The following GPC1 variants were observed in gnomAD, a reference collection of about 807,000 sequenced individuals.
The protein encoded by GPC1 is glypican 1, also known as glypican-1.
A neutral mutation model predicts 51.5 loss-of-function variants in GPC1; 26 were observed. That is an observed-to-expected ratio of 0.50 (90% CI 0.37 to 0.70). The LOEUF (loss-of-function observed/expected upper bound fraction) is 0.70, where lower values mean the gene tolerates loss of function less well. Ranked by LOEUF, GPC1 falls within the 30% of genes least tolerant of loss-of-function variation. The pLI is 0.00. For synonymous variants in GPC1, 380 were observed against 348.3 expected (o/e 1.09, Z -1.01); for missense variants, 775 against 800.5 (o/e 0.97, Z 0.38).
rs1455097853 is a variant in GPC1 at position 240,459,023 on chromosome 2, C to T, written c.167-7C>T. On this transcript the variant is annotated splice_region_variant and splice_polypyrimidine_tract_variant and intron_variant, in intron 1 of 8. Transcript: ENST00000264039. Reference sequence around the variant, plus strand: ...CCCCTCTCCCTCACACTGGCCTTTCCCCACAGGTGAGCACCTGCGGATCTG... The same window carrying T: ...CCCCTCTCCCTCACACTGGCCTTTCTCCACAGGTGAGCACCTGCGGATCTG... 7.4e-6 allele frequency: 12 copies of T among 1,611,872 alleles called. No individual in the cohort carries two copies. The highest frequency in any genetic ancestry group is 1.3e-5 in the African/African-American group (1 of 74,912).
intron 1 of GPC1, chr2:240,453,071 C>T (rs1574766094): frequency 3.1e-6 from 1 of 322,066 alleles, no homozygotes; most frequent in Non-Finnish European, 6.0e-6. Context: ...GGACCTCTCC[C>T]GCAGCGCCAC....
intron 2 of GPC1, among the ~76,000 whole-genome samples, chr2:240,460,386 G>A (rs937661009): frequency 6.6e-6 from 1 of 152,130 alleles, no homozygotes; most frequent in African/African-American, 2.4e-5. Flanking sequence ...TCTGTCCCAT[G>A]TGTAGGGACC....
rs1444423991 is a variant in GPC1 at position 240,448,632 on chromosome 2, A to C, written c.167-10398A>C. On this transcript the variant is annotated intron_variant, in intron 1 of 8. Coordinates refer to ENST00000264039, the MANE Select transcript of GPC1 (RefSeq NM_002081.3). This position sits in a 1 kb window ranked among gnomAD's most constrained non-coding sequence, Gnocchi z 4.5. The stretch of plus-strand genomic sequence containing the variant: ...CCACAGGAGGTCGAGGTCGGAGCTC[A>C]CCTTTGGGGAGGCGATCAGGCAGGC... Among the ~76,000 whole-genome samples, 1 of 151,084 alleles carries C rather than the reference A, an allele frequency of 6.6e-6. No homozygotes were observed. Among genetic ancestry groups the C allele is most frequent in the Non-Finnish European group, 1.5e-5 (1 of 67,900 alleles).
At chr2:240,436,141 C>T in intron 1 of GPC1, 57 bp downstream of exon 1, 1 of 1,137,216 alleles carries the variant, frequency 8.8e-7, no homozygotes, top group South Asian at 4.2e-5. Flanking sequence ...GGCTCCGGAC[C>T]CTGGTCTTCC....
At chr2:240,465,799 A>C (rs2074256623) in intron 8 of GPC1, 151 bp downstream of exon 8, 1 of 720,404 alleles carries the variant, frequency 1.4e-6, no homozygotes, top group African/African-American at 1.8e-5. Context: ...CCCAGGCACG[A>C]TCACCGAGCC....
At chr2:240,463,319 G>T in intron 3 of GPC1, 28 bp from the exon 4 acceptor site, 1 of 1,607,506 alleles carries the variant, frequency 6.2e-7, no homozygotes, top group Non-Finnish European at 8.5e-7. Context: ...GGGCCTCGGG[G>T]CCTGGCTTAG....
intron 3 of GPC1, 128 bp downstream of exon 3, chr2:240,462,710 C>G: frequency 1.2e-6 from 1 of 801,146 alleles, no homozygotes; most frequent in Non-Finnish European, 1.9e-6. Context: ...ACCTCAGCCC[C>G]ACAGCCTCAG....
chr2:240,453,839 G>A (rs2074130015), intron 1 of GPC1, among the ~76,000 whole-genome samples: 2 of 151,910 alleles, frequency 1.3e-5, no homozygotes, highest in Admixed American at 6.6e-5. Flanking sequence ...GCTGCCGCCG[G>A]TGCCGCCGAG....
chr2:240,458,359 G>A, intron 1 of GPC1: 1 of 265,530 alleles, frequency 3.8e-6, no homozygotes, highest in Non-Finnish European at 7.8e-6. Flanking sequence ...CTGGAGCAGA[G>A]TAGCTCATGG....
rs75314043 is a variant in GPC1 at position 240,466,227 on chromosome 2, G to A, written c.1614G>A (p.Pro538=). The change falls in exon 9 of 9, where the codon CCG becomes CCA. Residue 538 remains proline (P), a synonymous_variant. Transcript: ENST00000264039. ...CGGCTGCCAGCTGCCCCCAGCCCCC[G>A]ACCTTCCTCCTGCCCCTCCTCCTCT... ...KTSAASCPQP[P]TFLLPLLLFL... 2.6e-4 allele frequency: 422 copies of A among 1,612,714 alleles called. 6 individuals are homozygous for A. In the East Asian group the frequency reaches 5.8e-3, roughly 22 times the overall value.
At chr2:240,463,537 C>T (rs1277707146) in intron 4 of GPC1, 25 bp downstream of exon 4, 1 of 1,608,376 alleles carries the variant, frequency 6.2e-7, no homozygotes, top group African/African-American at 1.3e-5. Context: ...GCGAGAGCGG[C>T]CTGGAACTGT....
At chr2:240,452,679 G>C (rs1461843085) in intron 1 of GPC1, 3 of 151,838 alleles carry the variant, frequency 2.0e-5, no homozygotes, top group Non-Finnish European at 4.4e-5. Context: ...GCAGGGCGGC[G>C]GGGACCTGGC....
chr2:240,439,224 G>T (rs1454380894), intron 1 of GPC1, among the ~76,000 whole-genome samples: 1 of 152,080 alleles, frequency 6.6e-6, no homozygotes, highest in Non-Finnish European at 1.5e-5. Context: ...GCTGGCTCCC[G>T]GCCCAGGATA....
rs373944004 is a variant in GPC1, at chr2:240,462,472, G to A, written c.607G>A (p.Gly203Arg). 6.9e-6 allele frequency: 11 copies of A among 1,603,544 alleles called. No homozygotes were observed. Among genetic ancestry groups the A allele is most frequent in the African/African-American group, 2.7e-5 (2 of 74,876 alleles). ...GKQAEALRPFGEAPRELRLRA... is the reference protein window; with the variant it reads ...GKQAEALRPFREAPRELRLRA... ...GCAGGCCGAGGCGCTGCGGCCCTTC[G>A]GGGAGGCCCCGAGAGAGCTGCGCCT... Residue 203 changes from glycine (G) to arginine (R), a missense_variant, in exon 3 of 9, where the codon GGG (glycine) becomes AGG (arginine). By Grantham distance (125) the Gly-to-Arg change is moderately radical (BLOSUM62 -2). Coordinates refer to ENST00000264039, the MANE Select transcript of GPC1 (RefSeq NM_002081.3).
Position 240,448,236 on chromosome 2 carries a change from T to C in GPC1, c.167-10794T>C, listed in dbSNP as rs2074065695. Among the ~76,000 whole-genome samples, 1 of 152,102 alleles carries C rather than the reference T, an allele frequency of 6.6e-6. No individual in the cohort carries two copies. The highest frequency in any genetic ancestry group is 2.4e-5 in the African/African-American group (1 of 41,406). On this transcript the variant is annotated intron_variant, in intron 1 of 8. Coordinates refer to ENST00000264039, the MANE Select transcript of GPC1 (RefSeq NM_002081.3). The surrounding 1 kb of genome is among the most constrained non-coding windows in gnomAD (Gnocchi z 4.5). ...CCTCATAGGGGCCTCTCCCTTCCCCTACGGGATGGGGCTGGTTCGTTCCCC... is the reference window on the plus strand; with the variant it reads ...CCTCATAGGGGCCTCTCCCTTCCCCCACGGGATGGGGCTGGTTCGTTCCCC...
At chr2:240,457,470 G>T in intron 1 of GPC1, 1 of 470,558 alleles carries the variant, frequency 2.1e-6, no homozygotes, top group Non-Finnish European at 4.4e-6. Context: ...CAACCTCTGG[G>T]TAGTTACCTA....
At chr2:240,464,771 C>T in intron 5 of GPC1, 25 bp downstream of exon 5, 1 of 1,591,652 alleles carries the variant, frequency 6.3e-7, no homozygotes, top group African/African-American at 1.3e-5. Flanking sequence ...ACGTGACGAG[C>T]ACAGCGGGGT....
intron 1 of GPC1, 40 bp from the exon 2 acceptor site, chr2:240,458,990 T>C (rs1456473547): frequency 1.9e-6 from 3 of 1,595,818 alleles, no homozygotes; most frequent in Non-Finnish European, 2.6e-6. Flanking sequence ...CTCCCAGTGC[T>C]GTCCCAGCCC....
At chr2:240,451,269 C>CGCG (rs986116997) in intron 1 of GPC1, 27 of 470,888 alleles carry the variant, frequency 5.7e-5, no homozygotes, top group Non-Finnish European at 1.1e-4. Context: ...GACGGGCCTG[C>CGCG]GCGGCGTCTT....
Sources: allele counts gnomAD v4.1 joint callset (sites outside exome capture counted in the v4.1 genomes callset), GRCh38; gene constraint gnomAD v4.1.1; non-coding constraint Gnocchi (gnomAD v3.1); transcripts MANE v1.5; gene names NCBI Gene and HGNC (gene_info 2026-07-23, HGNC 2026-07-21).